ACYP2: variants seen among roughly 807,000 people sequenced by gnomAD.
The protein encoded by ACYP2 is acylphosphatase-2.
A neutral mutation model predicts 11.2 loss-of-function variants in ACYP2; 12 were observed. The ratio of observed to expected loss-of-function variants is 1.08; its 90% CI spans 0.69 to 1.74. ACYP2 has a LOEUF of 1.74. ACYP2 is among the 40% of genes most tolerant of loss of function. The pLI is 0.00. For synonymous variants in ACYP2, 43 were observed against 32.2 expected, an observed-to-expected ratio of 1.33 and a Z score of -1.13; for missense variants, 134 against 101.9, an observed-to-expected ratio of 1.31 and a Z score of -1.35.
At chr2:54,288,288 T>C (rs1689163358) in intron 6 of ACYP2, among the ~76,000 whole-genome samples, 1 of 152,084 alleles carries the variant, frequency 6.6e-6, no homozygotes, top group South Asian at 2.1e-4. Context: ...AGGCATATCC[T>C]CCATATAGGA....
chr2:54,270,116 A>G (rs527795488), intron 6 of ACYP2, among the ~76,000 whole-genome samples: 1 of 152,222 alleles, frequency 6.6e-6, no homozygotes, highest in South Asian at 2.1e-4. Context: ...TAAGTCCTTA[A>G]TTTGTTATGT....
intron 6 of ACYP2, among the ~76,000 whole-genome samples, chr2:54,201,635 T>C (rs555074789): frequency 7.0e-5 from 3 of 42,920 alleles, no homozygotes; most frequent in Middle Eastern, 9.6e-3. Context: ...TTTCTTTCTT[T>C]CTCTTTCTTT....
At chr2:54,287,794 G>T (rs1043630615) in intron 6 of ACYP2, among the ~76,000 whole-genome samples, 3 of 151,998 alleles carry the variant, frequency 2.0e-5, no homozygotes, top group Non-Finnish European at 2.9e-5. Flanking sequence ...GCTGCTCTTG[G>T]CAAGTACTGC....
chr2:54,152,766 G>A (rs1682239979), intron 6 of ACYP2, among the ~76,000 whole-genome samples: 1 of 152,026 alleles, frequency 6.6e-6, no homozygotes, highest in South Asian at 2.1e-4. Flanking sequence ...TATTGTTTGG[G>A]TGTGCCACAA....
chr2:53,995,087 T>C (rs1461855900), intron 2 of ACYP2, among the ~76,000 whole-genome samples: 1 of 152,240 alleles, frequency 6.6e-6, no homozygotes, highest in East Asian at 1.9e-4. Context: ...GAATCTTTGT[T>C]ATCTGAAGGT....
At chr2:54,254,694 G>A in intron 6 of ACYP2, 1 of 536,070 alleles carries the variant, frequency 1.9e-6, no homozygotes, top group Non-Finnish European at 3.3e-6. Context: ...CCATCGGCTG[G>A]GAGCATGTGA....
chr2:54,135,538 G>A, intron 5 of ACYP2, 69 bp downstream of exon 2: 1 of 1,413,630 alleles, frequency 7.1e-7, no homozygotes, highest in Non-Finnish European at 9.8e-7. Context: ...CAGAGATAGG[G>A]CAGTTTTCTA....
At chr2:54,304,488 C>T (rs573991147) in intron 6 of ACYP2, among the ~76,000 whole-genome samples, 200 bp from the exon 4 acceptor site, 3 of 151,906 alleles carry the variant, frequency 2.0e-5, no homozygotes, top group Non-Finnish European at 4.4e-5. Flanking sequence ...ATTAGATTTT[C>T]TTCATCTGTA....
At chr2:54,175,842 A>G (rs1683435134) in intron 6 of ACYP2, among the ~76,000 whole-genome samples, 1 of 152,068 alleles carries the variant, frequency 6.6e-6, no homozygotes, top group African/African-American at 2.4e-5. Context: ...TCCCTCCAAA[A>G]TCATATGTTG....
At chr2:54,243,651 C>T (rs1402539211) in intron 6 of ACYP2, among the ~76,000 whole-genome samples, 2 of 152,272 alleles carry the variant, frequency 1.3e-5, no homozygotes, top group East Asian at 3.9e-4. Flanking sequence ...CTCACTGCAA[C>T]CTCTGCCTCC....
intron 6 of ACYP2, among the ~76,000 whole-genome samples, chr2:54,139,801 C>G (rs1395355049): frequency 2.0e-5 from 3 of 151,710 alleles, no homozygotes; most frequent in Non-Finnish European, 4.4e-5. Context: ...ACTTTTCTGT[C>G]TATTTCCCTC....
chr2:54,090,234 A>G (rs1678153884), intron 4 of ACYP2, among the ~76,000 whole-genome samples: 2 of 151,990 alleles, frequency 1.3e-5, no homozygotes, highest in Non-Finnish European at 2.9e-5. Context: ...TTGGCATTCA[A>G]GCCTATCACA....
intron 2 of ACYP2, among the ~76,000 whole-genome samples, chr2:54,027,898 G>A (rs1674383815): frequency 7.4e-6 from 1 of 134,732 alleles, no homozygotes; most frequent in South Asian, 2.4e-4. Context: ...GGAGTGCAGT[G>A]TCACGATCTC....
intron 4 of ACYP2, among the ~76,000 whole-genome samples, chr2:54,125,476 A>G (rs1440552326): frequency 6.6e-6 from 1 of 152,206 alleles, no homozygotes; most frequent in Non-Finnish European, 1.5e-5. Context: ...TTGGCCAGGC[A>G]CGGTGGTTCA....
intron 6 of ACYP2, among the ~76,000 whole-genome samples, chr2:54,189,613 G>A (rs533779321): frequency 4.0e-5 from 6 of 151,716 alleles, no homozygotes; most frequent in East Asian, 3.9e-4. Context: ...TTCTGTCAAC[G>A]GACATTCAGA....
intron 6 of ACYP2, chr2:54,256,369 A>T: frequency 1.8e-6 from 1 of 568,346 alleles, no homozygotes; most frequent in African/African-American, 1.9e-5. Context: ...ATCGTGCTGG[A>T]TGAGTAATGA....
At chr2:54,167,194 T>G (rs747156282) in intron 6 of ACYP2, among the ~76,000 whole-genome samples, 2 of 152,190 alleles carry the variant, frequency 1.3e-5, no homozygotes, top group African/African-American at 2.4e-5. Context: ...ATATTTAGTT[T>G]GTCAAAGTGT....
Position 54,189,265 on chromosome 2 carries a change from T to C in ACYP2, c.404+50517T>C, listed in dbSNP as rs147235786. Among the ~76,000 whole-genome samples the C allele has an allele frequency of 3.0e-3, 458 of 152,310 alleles. 1 individual carries two copies. Among genetic ancestry groups the C allele is most frequent in the African/African-American group, 0.01 (432 of 41,572 alleles). Reference sequence around the variant, plus strand: ...GTAGTCATGTTGTCCATTAGGTCTCTAGACCTGTTCATCCTAATATCTACT... The same window carrying C: ...GTAGTCATGTTGTCCATTAGGTCTCCAGACCTGTTCATCCTAATATCTACT... On this transcript the variant is annotated intron_variant, in intron 6 of 6. Transcript: ENST00000607452.
intron 2 of ACYP2, among the ~76,000 whole-genome samples, chr2:54,016,640 A>T (rs924358686): frequency 2.8e-4 from 42 of 151,932 alleles, no homozygotes; most frequent in African/African-American, 9.7e-4. Context: ...AACACCACAG[A>T]CTGGGTCATT....
Sources: allele counts gnomAD v4.1 joint callset (sites outside exome capture counted in the v4.1 genomes callset), GRCh38; gene constraint gnomAD v4.1.1; transcripts MANE v1.5; gene names NCBI Gene and HGNC (gene_info 2026-07-23, HGNC 2026-07-21).